The following MKLN1 variants were observed in gnomAD, a reference collection of about 807,000 sequenced individuals.
The protein encoded by MKLN1 is muskelin 1, also known as muskelin.
MKLN1 carries 18 observed loss-of-function variants against 99.0 expected under a neutral mutation model. That is an observed-to-expected ratio of 0.18 (90% CI 0.13 to 0.27). The LOEUF is 0.27. Ranked by LOEUF, MKLN1 falls within the 10% of genes least tolerant of loss-of-function variation. MKLN1 has a pLI of 1.00. For missense variants in MKLN1, 621 were observed against 875.9 expected (o/e 0.71, Z 3.67); for synonymous variants, 288 against 293.2 (o/e 0.98, Z 0.18).
At chr7:131,209,263 T>C (rs1238538266) in intron 3 of MKLN1, among the ~76,000 whole-genome samples, 2 of 152,128 alleles carry the variant, frequency 1.3e-5, no homozygotes, top group Non-Finnish European at 2.9e-5. Context: ...TTAAGTGAGA[T>C]GGGAAGCTCT....
intron 2 of MKLN1, among the ~76,000 whole-genome samples, chr7:131,152,424 A>T (rs949583371): frequency 1.3e-5 from 2 of 152,190 alleles, no homozygotes. Context: ...AGTAGTATGA[A>T]ATATTCAGTG....
At chr7:131,133,866 G>T (rs1584782192) in intron 1 of MKLN1, among the ~76,000 whole-genome samples, 2 of 78,468 alleles carry the variant, frequency 2.5e-5, no homozygotes, top group Admixed American at 2.0e-4. Flanking sequence ...TTTTGCTCTT[G>T]TCGCCCAGGC....
At chr7:131,282,273 C>T (rs889626193) in intron 3 of MKLN1, among the ~76,000 whole-genome samples, 17 of 146,260 alleles carry the variant, frequency 1.2e-4, no homozygotes, top group Admixed American at 2.1e-4. Context: ...CGCTTGAACC[C>T]GGGAGGCGGA....
chr7:131,229,541 T>TGA (rs974195114), intron 3 of MKLN1, among the ~76,000 whole-genome samples: 2 of 151,232 alleles, frequency 1.3e-5, no homozygotes, highest in African/African-American at 2.4e-5. Context: ...CAGACATGTG[T>TGA]GTGTGTGTTG....
At position 131,421,557 on chromosome 7, in the gene MKLN1, A is replaced by T. The variant is rs149014854; in HGVS notation, c.847+6847A>T. On this transcript the variant is annotated intron_variant, in intron 8 of 17. Transcript: ENST00000352689. ...ATGAATTGTATTGATTAAAATGGTG[A>T]TAATAAACTAAGTAATTGTGAGAGT... 3.7e-3 allele frequency among the ~76,000 whole-genome samples: 556 copies of T among 152,292 alleles called. 6 individuals carry two copies. Among genetic ancestry groups the T allele is most frequent in the South Asian group, 0.021 (100 of 4,830 alleles).
At chr7:131,355,283 G>A (rs1028140190) in intron 1 of MKLN1, among the ~76,000 whole-genome samples, 4 of 151,968 alleles carry the variant, frequency 2.6e-5, no homozygotes, top group East Asian at 3.8e-4. Context: ...TATTATTTGT[G>A]TGAACTGTAT....
intron 17 of MKLN1, among the ~76,000 whole-genome samples, chr7:131,486,451 G>A (rs1246726881): frequency 6.6e-6 from 1 of 152,090 alleles, no homozygotes; most frequent in Non-Finnish European, 1.5e-5. Context: ...AAAAAGGAAT[G>A]TGCTGTTCTT....
chr7:131,376,145 A>G (rs1350374128), intron 2 of MKLN1, among the ~76,000 whole-genome samples: 1 of 59,412 alleles, frequency 1.7e-5, no homozygotes, highest in Admixed American at 1.8e-4. Context: ...TGTATGATGT[A>G]TGTATTTTTT....
At chr7:131,330,210 T>C (rs1410006215) in intron 1 of MKLN1, among the ~76,000 whole-genome samples, 2 of 152,206 alleles carry the variant, frequency 1.3e-5, no homozygotes, top group Non-Finnish European at 2.9e-5. Context: ...AAATCCCCTC[T>C]AGCAGCAATT....
At chr7:131,250,506 AG>A (rs1334998320) in intron 3 of MKLN1, among the ~76,000 whole-genome samples, 1 of 152,174 alleles carries the variant, frequency 6.6e-6, no homozygotes, top group Non-Finnish European at 1.5e-5. Flanking sequence ...GCAGCCAAGC[AG>A]GGCCTGACAA....
intron 3 of MKLN1, among the ~76,000 whole-genome samples, chr7:131,318,360 G>A (rs562473239): frequency 7.2e-5 from 11 of 152,100 alleles, no homozygotes; most frequent in Non-Finnish European, 1.0e-4. Context: ...ATGACTCCTG[G>A]ATAAATATCG....
At chr7:131,355,156 A>C (rs894718552) in intron 1 of MKLN1, among the ~76,000 whole-genome samples, 3 of 152,118 alleles carry the variant, frequency 2.0e-5, no homozygotes, top group Admixed American at 6.6e-5. Flanking sequence ...CTTTAATTAC[A>C]GAGACTTCAT....
At position 131,302,054 on chromosome 7, in the gene MKLN1, C is replaced by CT. The variant is rs1393995456; in HGVS notation, c.-178-73367dup. Among the ~76,000 whole-genome samples the CT allele has an allele frequency of 2.0e-5, 3 of 152,236 alleles. No individual in the cohort carries two copies. The East Asian group carries it at 5.8e-4, about 29-fold the overall frequency. Reference sequence around the variant, plus strand: ...CCAATACCTGTAGGAGGATGGGATTCTTTCTAGATGATTGTGCTACAGGGA... The same window carrying CT: ...CCAATACCTGTAGGAGGATGGGATTCTTTTCTAGATGATTGTGCTACAGGGA... On this transcript the variant is annotated intron_variant, in intron 3 of 7. Coordinates refer to the MKLN1 transcript ENST00000416992.
At chr7:131,288,046 G>T (rs1189490052) in intron 3 of MKLN1, among the ~76,000 whole-genome samples, 1 of 152,290 alleles carries the variant, frequency 6.6e-6, no homozygotes, top group East Asian at 1.9e-4. Context: ...GGTTCCAGTA[G>T]TATCTTTAAA....
intron 8 of MKLN1, among the ~76,000 whole-genome samples, chr7:131,416,108 C>A (rs1489560092): frequency 6.6e-6 from 1 of 152,116 alleles, no homozygotes; most frequent in East Asian, 1.9e-4. Context: ...CCCTTTCAAA[C>A]AAATTTGGTT....
At chr7:131,318,141 G>A (rs7778416) in intron 3 of MKLN1, among the ~76,000 whole-genome samples, 74,628 of 151,892 alleles carry the variant, frequency 0.49, 18,861 homozygotes, top group Admixed American at 0.6. Flanking sequence ...CTCCACCCCA[G>A]ATCAACAGAA....
At chr7:131,321,183 T>C (rs1798767087) in intron 3 of MKLN1, among the ~76,000 whole-genome samples, 1 of 152,094 alleles carries the variant, frequency 6.6e-6, no homozygotes, top group African/African-American at 2.4e-5. Context: ...CCAACCCAAA[T>C]GCCCATCAAT....
chr7:131,198,845 A>T (rs1796686105), intron 2 of MKLN1, among the ~76,000 whole-genome samples: 1 of 152,218 alleles, frequency 6.6e-6, no homozygotes, highest in Non-Finnish European at 1.5e-5. Flanking sequence ...TATTATCATC[A>T]TAAATATTAG....
At chr7:131,464,221 T>C (rs1796596012) in intron 13 of MKLN1, 73 bp from the exon 14 acceptor site, 1 of 812,042 alleles carries the variant, frequency 1.2e-6, no homozygotes, top group Admixed American at 2.3e-5. Flanking sequence ...AGACATGCAG[T>C]TAATTTGCTT....
Sources: allele counts gnomAD v4.1 joint callset (sites outside exome capture counted in the v4.1 genomes callset), GRCh38; gene constraint gnomAD v4.1.1; transcripts MANE v1.5; gene names NCBI Gene and HGNC (gene_info 2026-07-23, HGNC 2026-07-21).